The following CPNE8 variants were observed in gnomAD, a reference collection of about 807,000 sequenced individuals.
CPNE8 encodes the protein copine-8.
A neutral mutation model predicts 81.5 loss-of-function variants in CPNE8; 45 were observed. The observed-to-expected ratio is 0.55, with a 90% confidence interval of 0.44 to 0.71. The LOEUF (loss-of-function observed/expected upper bound fraction) is 0.71, where lower values mean the gene tolerates loss of function less well. CPNE8 is among the 30% of genes least tolerant of loss of function. The pLI, the probability that CPNE8 is intolerant of heterozygous loss-of-function variation, is 0.00. For synonymous variants in CPNE8, 252 were observed against 226.3 expected, an observed-to-expected ratio of 1.11 and a Z score of -1.02; for missense variants, 594 against 672.1, an observed-to-expected ratio of 0.88 and a Z score of 1.28.
At chr12:38,888,074 A>C (rs977112121) in intron 1 of CPNE8, among the ~76,000 whole-genome samples, 2 of 152,192 alleles carry the variant, frequency 1.3e-5, no homozygotes, top group Non-Finnish European at 2.9e-5. Flanking sequence ...ATGTGCCTAC[A>C]GATCTCCACT....
Position 38,716,977 on chromosome 12 carries a change from G to A in CPNE8, c.914+6795C>T, listed in dbSNP as rs1023816292. Reference sequence around the variant, plus strand: ...AATGACCCCATCAAAAAGTGAGGAAGGACATGAATACACTGTTCTCAAAAT... The same window carrying A: ...AATGACCCCATCAAAAAGTGAGGAAAGACATGAATACACTGTTCTCAAAAT... On this transcript the variant is annotated intron_variant, in intron 13 of 19. Transcript: ENST00000331366. 3.3e-5 allele frequency among the ~76,000 whole-genome samples: 5 copies of A among 151,884 alleles called. No individual in the cohort carries two copies. In the South Asian group the frequency reaches 6.2e-4, roughly 19 times the overall value.
intron 6 of CPNE8, among the ~76,000 whole-genome samples, chr12:38,783,354 C>T (rs1167102524): frequency 2.0e-5 from 3 of 152,092 alleles, no homozygotes; most frequent in Admixed American, 6.6e-5. Flanking sequence ...AACTTCATAT[C>T]ATCAAAAGAG....
chr12:38,700,515 G>A (rs1388856849), intron 14 of CPNE8, among the ~76,000 whole-genome samples: 1 of 151,414 alleles, frequency 6.6e-6, no homozygotes, highest in Non-Finnish European at 1.5e-5. Flanking sequence ...GTGAGCCACT[G>A]AGCCTGGCCA....
intron 7 of CPNE8, among the ~76,000 whole-genome samples, chr12:38,771,457 C>A (rs1941801533): frequency 6.6e-6 from 1 of 151,824 alleles, no homozygotes; most frequent in Admixed American, 6.6e-5. Flanking sequence ...TAGAGTGAGA[C>A]CCCGTATTTA....
chr12:38,884,582 AT>A lies in CPNE8; in HGVS notation c.99-10072del, dbSNP rs1350999610. On this transcript the variant is annotated intron_variant, in intron 1 of 19. Coordinates refer to ENST00000331366, the MANE Select transcript of CPNE8 (RefSeq NM_153634.3). The stretch of plus-strand genomic sequence containing the variant: ...AATTGCTGGGTCCTATGGTAACACT[AT>A]TTTTAAAATCTGAAAAAACTGCCAA... 5.9e-5 allele frequency among the ~76,000 whole-genome samples: 9 copies of A among 152,198 alleles called. 1 individual carries two copies. In the South Asian group the frequency reaches 1.9e-3, roughly 31 times the overall value.
intron 10 of CPNE8, among the ~76,000 whole-genome samples, chr12:38,741,430 G>GA (rs1256253110): frequency 2.6e-5 from 4 of 152,140 alleles, no homozygotes; most frequent in Non-Finnish European, 1.5e-5. Flanking sequence ...AAGAAATGGG[G>GA]AAAAGATTCC....
upstream of CPNE8, chr12:38,905,603 C>CGT: frequency 6.5e-7 from 1 of 1,530,324 alleles, no homozygotes; most frequent in Admixed American, 2.0e-5. Context: ...AGGGCTAGCT[C>CGT]CCGTCAGGCG....
At chr12:38,817,743 C>A (rs1176277521) in intron 6 of CPNE8, among the ~76,000 whole-genome samples, 1 of 150,352 alleles carries the variant, frequency 6.7e-6, no homozygotes, top group Admixed American at 6.7e-5. Flanking sequence ...CCTGCCTCAG[C>A]CTCCCGAGTA....
At chr12:38,760,435 G>GTATA (rs139244982) in intron 10 of CPNE8, among the ~76,000 whole-genome samples, 39,495 of 127,152 alleles carry the variant, frequency 0.31, 7,679 homozygotes, top group Non-Finnish European at 0.41. Context: ...TGTATGGTGT[G>GTATA]TATATATATA....
At chr12:38,839,658 A>T (rs1943437689) in intron 5 of CPNE8, among the ~76,000 whole-genome samples, 1 of 152,134 alleles carries the variant, frequency 6.6e-6, no homozygotes, top group Non-Finnish European at 1.5e-5. Context: ...CATCACTGGG[A>T]ACTGTAATCA....
At chr12:38,755,001 T>C (rs1383489689) in intron 10 of CPNE8, among the ~76,000 whole-genome samples, 1 of 152,184 alleles carries the variant, frequency 6.6e-6, no homozygotes, top group Non-Finnish European at 1.5e-5. Context: ...TTCTTCTAAA[T>C]GAGTTCTAAT....
intron 14 of CPNE8, among the ~76,000 whole-genome samples, chr12:38,701,479 T>C (rs1218698352): frequency 6.6e-6 from 1 of 151,854 alleles, no homozygotes; most frequent in Non-Finnish European, 1.5e-5. Flanking sequence ...TTATTTCTTT[T>C]TGTTTGTTTG....
chr12:38,741,150 A>G (rs1485164379), intron 10 of CPNE8, among the ~76,000 whole-genome samples: 1 of 152,160 alleles, frequency 6.6e-6, no homozygotes, highest in Non-Finnish European at 1.5e-5. Context: ...CAAGCTACCA[A>G]TGACTTTCTT....
At chr12:38,689,508 G>A (rs1939618863) in intron 15 of CPNE8, among the ~76,000 whole-genome samples, 1 of 152,184 alleles carries the variant, frequency 6.6e-6, no homozygotes, top group Non-Finnish European at 1.5e-5. Flanking sequence ...GTGGGAAAAA[G>A]CTGAGAGAAT....
intron 3 of CPNE8, among the ~76,000 whole-genome samples, chr12:38,852,178 A>C (rs958399053): frequency 6.6e-6 from 1 of 152,150 alleles, no homozygotes; most frequent in African/African-American, 2.4e-5. Flanking sequence ...CTGTAATTCC[A>C]GCACTTTGGG....
intron 10 of CPNE8, among the ~76,000 whole-genome samples, chr12:38,737,599 T>C (rs970482447): frequency 5.9e-5 from 9 of 152,168 alleles, no homozygotes; most frequent in Admixed American, 5.2e-4. Flanking sequence ...AAGTTCAATA[T>C]AATCATCTCT....
At chr12:38,757,081 C>T (rs1941477535) in intron 10 of CPNE8, among the ~76,000 whole-genome samples, 1 of 151,998 alleles carries the variant, frequency 6.6e-6, no homozygotes, top group Admixed American at 6.6e-5. Context: ...ATGTGACTTG[C>T]ATTATATTTC....
At chr12:38,719,585 A>G (rs199559047) in intron 13 of CPNE8, among the ~76,000 whole-genome samples, 1 of 27,780 alleles carries the variant, frequency 3.6e-5, no homozygotes, top group Non-Finnish European at 8.3e-5. Context: ...TTGTCTCAGG[A>G]AAAAAAAAAA....
At chr12:38,892,642 A>G (rs1447771238) in intron 1 of CPNE8, among the ~76,000 whole-genome samples, 1 of 152,224 alleles carries the variant, frequency 6.6e-6, no homozygotes, top group Non-Finnish European at 1.5e-5. Context: ...GGCTTATTTC[A>G]TTTTGAAAGT....
Sources: gnomAD v4.1 joint callset for allele counts (sites outside exome capture counted in the v4.1 genomes callset) on GRCh38, gnomAD v4.1.1 for gene constraint, MANE v1.5 for transcripts, NCBI Gene and HGNC (gene_info 2026-07-23, HGNC 2026-07-21) for gene names.